The following NFKB1 variants were observed in gnomAD, a reference collection of about 807,000 sequenced individuals.
The protein encoded by NFKB1 is nuclear factor kappa B subunit 1.
A neutral mutation model predicts 105.1 loss-of-function variants in NFKB1; 9 were observed. The ratio of observed to expected loss-of-function variants is 0.09; its 90% CI spans 0.05 to 0.15. The LOEUF is 0.15. Ranked by LOEUF, NFKB1 falls within the 10% of genes least tolerant of loss-of-function variation. The pLI is 1.00. For synonymous variants in NFKB1, 440 were observed against 442.2 expected, an observed-to-expected ratio of 1.00 and a Z score of 0.06; for missense variants, 830 against 1,203.7, an observed-to-expected ratio of 0.69 and a Z score of 4.59.
At chr4:102,614,761 C>T (rs1157483862) in intron 23 of NFKB1, among the ~76,000 whole-genome samples, 45 of 152,070 alleles carry the variant, frequency 3.0e-4, no homozygotes, top group Admixed American at 2.9e-3. Flanking sequence ...CTCCACAGCA[C>T]ACTCCCCTGG....
In NFKB1 at chr4:102,537,800, G is replaced by A. The variant is rs1741742514; in HGVS notation, c.160-58G>A. The A allele has an allele frequency of 4.9e-6, 5 of 1,027,332 alleles. No individual in the cohort carries two copies. The South Asian group carries it at 5.6e-5, about 11-fold the overall frequency. The allele number at this position is 1,027,332 out of a possible 1,614,324, so 63.6% of individuals were successfully genotyped here. ...TTAAAAATTTGTATGTACCTTTGTT[G>A]CCGTAATTTTTAATAAGTATTTCTC... On this transcript the variant is annotated intron_variant, in intron 4 of 23. Transcript: ENST00000226574.
intron 10 of NFKB1, 25 bp from the exon 11 acceptor site, chr4:102,584,657 A>G: frequency 6.4e-7 from 1 of 1,572,196 alleles, no homozygotes; most frequent in South Asian, 1.2e-5. Flanking sequence ...TCCTACACCA[A>G]CATGTGGTTC....
intron 5 of NFKB1, among the ~76,000 whole-genome samples, chr4:102,560,256 A>T (rs747523041): frequency 6.6e-6 from 1 of 152,218 alleles, no homozygotes; most frequent in African/African-American, 2.4e-5. Context: ...CTTTCTCGAA[A>T]GAAGCATGAT....
intron 11 of NFKB1, among the ~76,000 whole-genome samples, chr4:102,589,469 C>A (rs1230134435): frequency 6.6e-6 from 1 of 151,478 alleles, no homozygotes; most frequent in Non-Finnish European, 1.5e-5. Context: ...ATTTGGCAAC[C>A]TTGGTTTTTT....
intron 8 of NFKB1, among the ~76,000 whole-genome samples, chr4:102,579,762 G>T (rs1475361353): frequency 6.6e-6 from 1 of 151,310 alleles, no homozygotes; most frequent in Non-Finnish European, 1.5e-5. Context: ...TTATGCATAG[G>T]ATTGATTAGA....
At chr4:102,551,989 G>A (rs900589414) in intron 5 of NFKB1, among the ~76,000 whole-genome samples, 3 of 152,196 alleles carry the variant, frequency 2.0e-5, no homozygotes, top group African/African-American at 4.8e-5. Context: ...GTTAATAACA[G>A]ACTCAACATG....
intron 1 of NFKB1, among the ~76,000 whole-genome samples, chr4:102,512,871 A>C (rs1739873169): frequency 6.6e-6 from 1 of 152,240 alleles, no homozygotes; most frequent in Non-Finnish European, 1.5e-5. Context: ...CTTTTAAAAC[A>C]TAAAGGACAT....
chr4:102,525,381 G>A (rs868352488), intron 1 of NFKB1, 131 bp from the exon 2 acceptor site: 1 of 736,330 alleles, frequency 1.4e-6, no homozygotes, highest in African/African-American at 1.8e-5. Flanking sequence ...TCCTCCTATG[G>A]TCTTCAAAAA....
chr4:102,512,350 T>C (rs1739835642), intron 1 of NFKB1, among the ~76,000 whole-genome samples: 1 of 151,972 alleles, frequency 6.6e-6, no homozygotes, highest in Non-Finnish European at 1.5e-5. Context: ...TTTTGTTTTG[T>C]TTTGTTTGTT....
At chr4:102,514,322 A>C (rs1739985066) in intron 1 of NFKB1, among the ~76,000 whole-genome samples, 1 of 152,150 alleles carries the variant, frequency 6.6e-6, no homozygotes, top group African/African-American at 2.4e-5. Flanking sequence ...TGTCCCCACC[A>C]AATTCAGGTG....
chr4:102,614,245 G>A (rs918467705), intron 23 of NFKB1, among the ~76,000 whole-genome samples: 16 of 152,084 alleles, frequency 1.1e-4, no homozygotes, highest in African/African-American at 2.2e-4. Flanking sequence ...CCTTCCATCC[G>A]GACTTGGTGG....
At position 102,537,859 on chromosome 4, in the gene NFKB1, G is replaced by A; in HGVS notation, c.161G>A (p.Arg54Lys). ...TTGGCTTAACGTTCACCTTTGCAGAGAGGATTTCGTTTCCGTTATGTATGT... is the reference window on the plus strand; with the variant it reads ...TTGGCTTAACGTTCACCTTTGCAGAAAGGATTTCGTTTCCGTTATGTATGT... ...YLQILEQPKQ[R>K]GFRFRYVCEG... Residue 54 changes from arginine (R) to lysine (K), a missense_variant and splice_region_variant, in exon 5 of 24, where the codon AGA (arginine) becomes AAA (lysine). Transcript: ENST00000226574. 1 of 1,596,692 alleles carries A rather than the reference G, an allele frequency of 6.3e-7. No homozygotes were observed. The highest frequency in any genetic ancestry group is 8.6e-7 in the Non-Finnish European group (1 of 1,164,854).
chr4:102,559,558 TA>T (rs1449580855), intron 5 of NFKB1, among the ~76,000 whole-genome samples: 9 of 152,106 alleles, frequency 5.9e-5, no homozygotes, highest in East Asian at 3.8e-4. Context: ...AGATAGAGGA[TA>T]TTTTTTTGAA....
chr4:102,597,244 C>T (rs1277386776), intron 14 of NFKB1, among the ~76,000 whole-genome samples: 1 of 152,144 alleles, frequency 6.6e-6, no homozygotes, highest in African/African-American at 2.4e-5. Flanking sequence ...AGATAATGGT[C>T]GTTCCCTTAA....
At chr4:102,553,772 A>G (rs1002040381) in intron 5 of NFKB1, among the ~76,000 whole-genome samples, 7 of 152,314 alleles carry the variant, frequency 4.6e-5, no homozygotes, top group African/African-American at 1.7e-4. Flanking sequence ...CTGAAAATAA[A>G]CACTTTGGGT....
intron 5 of NFKB1, among the ~76,000 whole-genome samples, chr4:102,559,481 A>C (rs972614413): frequency 3.9e-5 from 6 of 152,062 alleles, no homozygotes; most frequent in Non-Finnish European, 7.4e-5. Context: ...CAGGAGCAAA[A>C]GCTTAGGAGA....
chr4:102,603,640 T>G (rs1727415011), intron 16 of NFKB1, among the ~76,000 whole-genome samples: 1 of 152,226 alleles, frequency 6.6e-6, no homozygotes, highest in Admixed American at 6.5e-5. Flanking sequence ...ATTTGAGAAT[T>G]AGAAACTGCT....
intron 5 of NFKB1, among the ~76,000 whole-genome samples, chr4:102,540,442 A>G (rs924630250): frequency 6.6e-6 from 1 of 152,228 alleles, no homozygotes; most frequent in Non-Finnish European, 1.5e-5. Context: ...GAAAGTTTCT[A>G]TATCAAGGAG....
chr4:102,595,125 C>T (rs1726500790), intron 13 of NFKB1, 144 bp downstream of exon 13: 4 of 538,774 alleles, frequency 7.4e-6, no homozygotes, highest in Non-Finnish European at 1.3e-5. Flanking sequence ...AGATACTTTT[C>T]CCAAAAGATA....
Sources: gnomAD v4.1 joint callset for allele counts (sites outside exome capture counted in the v4.1 genomes callset) on GRCh38, gnomAD v4.1.1 for gene constraint, MANE v1.5 for transcripts, NCBI Gene and HGNC (gene_info 2026-07-23, HGNC 2026-07-21) for gene names.